ELL2: variants seen among roughly 807,000 people sequenced by gnomAD.
ELL2 encodes elongation factor for RNA polymerase II 2, also known as RNA polymerase II elongation factor ELL2.
ELL2 carries 21 observed loss-of-function variants against 72.8 expected under a neutral mutation model. That is an observed-to-expected ratio of 0.29 (90% CI 0.20 to 0.42). The LOEUF (loss-of-function observed/expected upper bound fraction) is 0.42. Ranked by LOEUF, ELL2 falls within the 10% of genes least tolerant of loss-of-function variation. The pLI, the probability that ELL2 is intolerant of heterozygous loss-of-function variation, is 1.00. For missense variants in ELL2, 568 were observed against 772.8 expected (o/e 0.73, Z 3.14); for synonymous variants, 266 against 283.2 (o/e 0.94, Z 0.61).
At chr5:95,896,557 A>C (rs1007208497) in intron 8 of ELL2, among the ~76,000 whole-genome samples, 9 of 152,168 alleles carry the variant, frequency 5.9e-5, no homozygotes, top group Non-Finnish European at 1.3e-4. Flanking sequence ...TAATACATAG[A>C]CTCTGAGTGC....
intron 1 of ELL2, among the ~76,000 whole-genome samples, chr5:95,954,697 C>T (rs896668737): frequency 4.0e-5 from 6 of 150,114 alleles, no homozygotes; most frequent in Non-Finnish European, 8.9e-5. Context: ...GCCTAGGCCT[C>T]CCAAAGTGCT....
At position 95,903,956 on chromosome 5, in the gene ELL2, ATTGTCTC is replaced by A. The variant is rs202007263; in HGVS notation, c.741+2560_741+2566del. ...AATCACAGATTCCGTTCTTCCCCTC[ATTGTCTC>A]CCTACACCTAACCGTTAGCAAGTCT... On this transcript the variant is annotated intron_variant, in intron 5 of 11. Coordinates refer to ENST00000237853, the MANE Select transcript of ELL2 (RefSeq NM_012081.6). 1.2e-3 allele frequency among the ~76,000 whole-genome samples: 177 copies of A among 152,254 alleles called. 4 individuals carry two copies. The East Asian group carries it at 0.032, about 28-fold the overall frequency.
intron 2 of ELL2, among the ~76,000 whole-genome samples, chr5:95,938,481 T>C (rs564280548): frequency 6.6e-6 from 1 of 152,332 alleles, no homozygotes; most frequent in Non-Finnish European, 1.5e-5. Context: ...CCCAGGTCTT[T>C]GGGAAGCCCA....
At chr5:95,916,356 G>T (rs1231981149) in intron 3 of ELL2, among the ~76,000 whole-genome samples, 1 of 152,046 alleles carries the variant, frequency 6.6e-6, no homozygotes, top group Non-Finnish European at 1.5e-5. Flanking sequence ...GAGAGAAGGG[G>T]TCTCAGGAGG....
intron 1 of ELL2, among the ~76,000 whole-genome samples, chr5:95,956,630 G>A (rs1751637507): frequency 6.6e-6 from 1 of 152,098 alleles, no homozygotes; most frequent in South Asian, 2.1e-4. Context: ...AGAGAAAAAA[G>A]CAGAGTATGA....
chr5:95,952,264 G>A (rs961349228), intron 1 of ELL2, among the ~76,000 whole-genome samples: 1 of 152,140 alleles, frequency 6.6e-6, no homozygotes, highest in Non-Finnish European at 1.5e-5. Flanking sequence ...GAGTACGCAT[G>A]GACATAAAGA....
At chr5:95,916,232 T>C (rs541925710) in intron 3 of ELL2, among the ~76,000 whole-genome samples, 15 of 152,034 alleles carry the variant, frequency 9.9e-5, no homozygotes, top group African/African-American at 3.1e-4. Flanking sequence ...ACGAGGTATA[T>C]GGAAGCTGCT....
At chr5:95,905,767 A>C (rs973828843) in intron 5 of ELL2, among the ~76,000 whole-genome samples, 1 of 149,160 alleles carries the variant, frequency 6.7e-6, no homozygotes, top group African/African-American at 2.5e-5. Flanking sequence ...TTTTTAAATG[A>C]TGAGATTCAG....
chr5:95,961,561 G>A lies in ELL2; in HGVS notation c.147+14C>T. On this transcript the variant is annotated intron_variant, in intron 1 of 11. Coordinates refer to ENST00000237853, the MANE Select transcript of ELL2 (RefSeq NM_012081.6). ...CTGCCTCTCTGAGCCCAGCCTGCCGGCCGGCCCGCTCACCTTGTGGCTCTG... is the reference window on the plus strand; with the variant it reads ...CTGCCTCTCTGAGCCCAGCCTGCCGACCGGCCCGCTCACCTTGTGGCTCTG... The A allele has an allele frequency of 3.8e-6, 6 of 1,569,624 alleles. 1 individual carries two copies. The South Asian group carries it at 5.8e-5, about 15-fold the overall frequency.
chr5:95,936,889 A>C (rs182426582), intron 2 of ELL2, among the ~76,000 whole-genome samples: 1 of 152,360 alleles, frequency 6.6e-6, no homozygotes, highest in African/African-American at 2.4e-5. Flanking sequence ...ACAAAAAAGC[A>C]AAGCCAATTA....
intron 1 of ELL2, among the ~76,000 whole-genome samples, chr5:95,960,363 T>C (rs1485645964): frequency 6.6e-6 from 1 of 151,890 alleles, no homozygotes; most frequent in Non-Finnish European, 1.5e-5. Flanking sequence ...TGCATGTCCA[T>C]AAACTGTTTC....
rs372944065 is a variant in ELL2 at position 95,961,732 on chromosome 5, C to A, written c.-11G>T. On this transcript the variant is annotated 5_prime_UTR_variant, in exon 1 of 12. Coordinates refer to ENST00000237853, the MANE Select transcript of ELL2 (RefSeq NM_012081.6). ...CCCCCCCGCCGCCATCTTAAACTCC[C>A]CGGGGTGCCGCCGCCGCCGCCGCTC... 4.1e-5 allele frequency: 65 copies of A among 1,593,936 alleles called. No homozygotes were observed. The Middle Eastern group carries it at 1.4e-3, about 35-fold the overall frequency.
chr5:95,921,862 T>G (rs925935311), intron 2 of ELL2, among the ~76,000 whole-genome samples: 14 of 152,200 alleles, frequency 9.2e-5, no homozygotes, highest in Admixed American at 8.5e-4. Flanking sequence ...TAACCCTTCA[T>G]CTAGATCTGC....
chr5:95,950,128 A>C (rs565766739), intron 1 of ELL2, among the ~76,000 whole-genome samples: 11 of 152,356 alleles, frequency 7.2e-5, no homozygotes, highest in African/African-American at 2.6e-4. Context: ...ACTATGGCAG[A>C]AGGAAAATAC....
chr5:95,895,518 G>A (rs1390533328), intron 9 of ELL2, 110 bp downstream of exon 9: 4 of 965,712 alleles, frequency 4.1e-6, no homozygotes, highest in Non-Finnish European at 6.5e-6. Context: ...GTGGCTCCAG[G>A]ACTCTATTTC....
At chr5:95,931,496 T>A (rs1750598764) in intron 2 of ELL2, among the ~76,000 whole-genome samples, 1 of 152,072 alleles carries the variant, frequency 6.6e-6, no homozygotes, top group Admixed American at 6.6e-5. Flanking sequence ...CTTCGGATAA[T>A]CAAAAGTTAA....
chr5:95,946,529 C>G (rs1182003762), intron 1 of ELL2, among the ~76,000 whole-genome samples: 1 of 152,142 alleles, frequency 6.6e-6, no homozygotes, highest in Non-Finnish European at 1.5e-5. Context: ...CCAGCAGAAC[C>G]TCTCTCATAT....
At chr5:95,911,343 C>CTTTT (rs141460387) in intron 4 of ELL2, among the ~76,000 whole-genome samples, 1 of 146,388 alleles carries the variant, frequency 6.8e-6, no homozygotes. Flanking sequence ...AATGATCACA[C>CTTTT]TTTTTTTTTT....
intron 1 of ELL2, among the ~76,000 whole-genome samples, chr5:95,947,197 T>TAA (rs942404598): frequency 6.9e-6 from 1 of 145,494 alleles, no homozygotes; most frequent in Non-Finnish European, 1.5e-5. Flanking sequence ...CGTGCTCAGC[T>TAA]AAAAAAAAAA....
Sources: allele counts gnomAD v4.1 joint callset (sites outside exome capture counted in the v4.1 genomes callset), GRCh38; gene constraint gnomAD v4.1.1; transcripts MANE v1.5; gene names NCBI Gene and HGNC (gene_info 2026-07-23, HGNC 2026-07-21).